Variants in MYO1E observed in about 807,000 individuals in gnomAD.
MYO1E encodes the protein myosin IE.
MYO1E carries 68 observed loss-of-function variants against 151.1 expected under a neutral mutation model. The observed-to-expected ratio is 0.45, with a 90% CI of 0.37 to 0.55. The LOEUF (loss-of-function observed/expected upper bound fraction) is 0.55. Ranked by LOEUF, MYO1E falls within the 20% of genes least tolerant of loss-of-function variation. The pLI is 0.00. For missense variants in MYO1E, 1,363 were observed against 1,389.3 expected (o/e 0.98, Z 0.30); for synonymous variants, 601 against 501.7 (o/e 1.20, Z -2.64).
chr15:59,150,595 G>A (rs1209371385), intron 26 of MYO1E, among the ~76,000 whole-genome samples: 4 of 152,204 alleles, frequency 2.6e-5, no homozygotes. Flanking sequence ...CTGGGCCTAG[G>A]TGGGATTGTG....
chr15:59,324,305 A>T (rs186846828), intron 1 of MYO1E, among the ~76,000 whole-genome samples: 1 of 152,004 alleles, frequency 6.6e-6, no homozygotes, highest in East Asian at 1.9e-4. Flanking sequence ...TTTCAAATTA[A>T]AAAAAAAGGG....
At chr15:59,147,319 G>C (rs965783007) in intron 26 of MYO1E, among the ~76,000 whole-genome samples, 1 of 152,154 alleles carries the variant, frequency 6.6e-6, no homozygotes, top group Non-Finnish European at 1.5e-5. Context: ...GACCGTGGAG[G>C]CCAGGTGCAG....
chr15:59,149,052 G>GTTT (rs570700878), intron 26 of MYO1E, among the ~76,000 whole-genome samples: 41 of 128,218 alleles, frequency 3.2e-4, no homozygotes, highest in East Asian at 7.2e-4. Context: ...TTTTTTTTTT[G>GTTT]TTTTTTTTTT....
chr15:59,343,507 G>T (rs887745322), intron 1 of MYO1E, among the ~76,000 whole-genome samples: 3 of 151,950 alleles, frequency 2.0e-5, no homozygotes, highest in Non-Finnish European at 4.4e-5. Flanking sequence ...AGTTAAATCT[G>T]CTTGGTGTTC....
chr15:59,179,147 C>T (rs1396848934), intron 18 of MYO1E, among the ~76,000 whole-genome samples: 1 of 152,182 alleles, frequency 6.6e-6, no homozygotes, highest in African/African-American at 2.4e-5. Flanking sequence ...GGCGCCTCTG[C>T]CCCTGCTCTC....
At position 59,195,532 on chromosome 15, in the gene MYO1E, T is replaced by C. The variant is rs200987052; in HGVS notation, c.1734A>G (p.Lys578=). The C allele has an allele frequency of 1.4e-4, 222 of 1,614,000 alleles. 2 individuals carry two copies. The highest frequency in any genetic ancestry group is 1.6e-4 in the Middle Eastern group (1 of 6,084). The change falls in exon 17 of 28, where the codon AAA becomes AAG. Residue 578 remains lysine, a synonymous_variant. Coordinates refer to ENST00000288235, the MANE Select transcript of MYO1E (RefSeq NM_004998.4). ...TGCAGCGAATGTAGTGGGGCGTACA[T>C]TTCATCAGGGTGCTCACAAGGTCAT... The part of the protein sequence containing the change: ...QANDLVSTLM[K]CTPHYIRCIK...
chr15:59,207,099 G>C, intron 14 of MYO1E: 1 of 1,614,206 alleles, frequency 6.2e-7, no homozygotes, highest in Non-Finnish European at 8.5e-7. Flanking sequence ...TGGCGACTGT[G>C]AAGAGTGAGC....
At chr15:59,205,546 T>C in intron 14 of MYO1E, 61 bp from the exon 15 acceptor site, 1 of 1,470,798 alleles carries the variant, frequency 6.8e-7, no homozygotes, top group South Asian at 1.1e-5. Flanking sequence ...TTGAACAAAA[T>C]CATTTATTGA....
chr15:59,265,777 G>A (rs73424959), intron 2 of MYO1E, among the ~76,000 whole-genome samples: 4,493 of 136,190 alleles, frequency 0.033, 235 homozygotes, highest in African/African-American at 0.11. Flanking sequence ...GCAATATACT[G>A]AGACCCCATC....
At chr15:59,346,053 A>C (rs1473530447) in intron 1 of MYO1E, among the ~76,000 whole-genome samples, 4 of 152,222 alleles carry the variant, frequency 2.6e-5, no homozygotes, top group African/African-American at 9.6e-5. Flanking sequence ...GGTTCTTAGA[A>C]TTACTTGATT....
chr15:59,232,285 T>C (rs1337150745), intron 5 of MYO1E, among the ~76,000 whole-genome samples: 4 of 152,208 alleles, frequency 2.6e-5, no homozygotes, highest in Non-Finnish European at 5.9e-5. Flanking sequence ...TAGCCTGGTG[T>C]TTCTCAAACT....
At chr15:59,266,235 C>G (rs1307750613) in intron 2 of MYO1E, among the ~76,000 whole-genome samples, 1 of 152,190 alleles carries the variant, frequency 6.6e-6, no homozygotes, top group African/African-American at 2.4e-5. Flanking sequence ...TTGCATAATT[C>G]AGGTGTGCCT....
At chr15:59,153,217 T>C (rs2079491735) in intron 26 of MYO1E, among the ~76,000 whole-genome samples, 1 of 152,214 alleles carries the variant, frequency 6.6e-6, no homozygotes, top group East Asian at 1.9e-4. Flanking sequence ...TGCTGAAGAC[T>C]CTTAAAGCTG....
intron 18 of MYO1E, among the ~76,000 whole-genome samples, chr15:59,184,447 G>A (rs1421751521): frequency 6.6e-6 from 1 of 151,922 alleles, no homozygotes; most frequent in African/African-American, 2.4e-5. Flanking sequence ...TGCAGCCTCT[G>A]CCTCCCGAGT....
chr15:59,276,472 G>A (rs71480513), intron 1 of MYO1E, among the ~76,000 whole-genome samples: 1,821 of 152,234 alleles, frequency 0.012, 18 homozygotes, highest in East Asian at 0.023. Flanking sequence ...TAACAATAAT[G>A]AAAAGTTACT....
intron 1 of MYO1E, among the ~76,000 whole-genome samples, chr15:59,371,155 G>C (rs760546686): frequency 6.6e-6 from 1 of 152,200 alleles, no homozygotes; most frequent in African/African-American, 2.4e-5. Flanking sequence ...AAGGTTTCTC[G>C]TTGATGTTTG....
At chr15:59,270,466 C>G (rs188898784) in intron 2 of MYO1E, among the ~76,000 whole-genome samples, 1 of 148,456 alleles carries the variant, frequency 6.7e-6, no homozygotes, top group East Asian at 2.0e-4. Context: ...TCACCTGAGC[C>G]GGGGAGGCGG....
chr15:59,142,543 T>C (rs1313250148), intron 26 of MYO1E, among the ~76,000 whole-genome samples: 1 of 152,220 alleles, frequency 6.6e-6, no homozygotes, highest in Non-Finnish European at 1.5e-5. Context: ...GTTTCCTTTC[T>C]AGGACACTTG....
intron 17 of MYO1E, among the ~76,000 whole-genome samples, chr15:59,191,003 G>A (rs1433481734): frequency 6.6e-6 from 1 of 152,006 alleles, no homozygotes; most frequent in African/African-American, 2.4e-5. Flanking sequence ...AGGAGGAGGG[G>A]GACAGATGAA....
Sources: gnomAD v4.1 joint callset for allele counts (sites outside exome capture counted in the v4.1 genomes callset) on GRCh38, gnomAD v4.1.1 for gene constraint, MANE v1.5 for transcripts, NCBI Gene and HGNC (gene_info 2026-07-23, HGNC 2026-07-21) for gene names.